Variants in CCDC85C observed in about 807,000 individuals in gnomAD.
CCDC85C encodes coiled-coil domain containing 85C.
A neutral mutation model predicts 38.3 loss-of-function variants in CCDC85C; 18 were observed. The ratio of observed to expected loss-of-function variants is 0.47; its 90% CI spans 0.33 to 0.70. The LOEUF is 0.70. Ranked by LOEUF, CCDC85C falls within the 30% of genes least tolerant of loss-of-function variation. The pLI, the probability that CCDC85C is intolerant of heterozygous loss-of-function variation, is 0.03. For synonymous variants in CCDC85C, 264 were observed against 293.8 expected, an observed-to-expected ratio of 0.90 and a Z score of 1.04; for missense variants, 566 against 621.2, an observed-to-expected ratio of 0.91 and a Z score of 0.94.
intron 2 of CCDC85C, among the ~76,000 whole-genome samples, chr14:99,527,900 AC>A (rs1897417841): frequency 6.6e-6 from 1 of 152,104 alleles, no homozygotes; most frequent in East Asian, 1.9e-4. Context: ...AGGCGGGAGG[AC>A]CCCGGGCACC....
At chr14:99,555,874 C>T (rs929855199) in intron 1 of CCDC85C, among the ~76,000 whole-genome samples, 2 of 152,220 alleles carry the variant, frequency 1.3e-5, no homozygotes, top group Non-Finnish European at 2.9e-5. Flanking sequence ...CAAGTTCACA[C>T]CCCAAGATGC....
chr14:99,599,802 G>C (rs910707289), intron 1 of CCDC85C, among the ~76,000 whole-genome samples: 3 of 152,214 alleles, frequency 2.0e-5, no homozygotes, highest in African/African-American at 7.2e-5. Context: ...TTGAGCCCAG[G>C]AGGTTGAGGT....
chr14:99,534,119 C>G (rs10136578), intron 2 of CCDC85C, among the ~76,000 whole-genome samples: 15,195 of 151,986 alleles, frequency 0.1, 2,261 homozygotes, highest in African/African-American at 0.32. Context: ...ACTTTGGGAG[C>G]CTGATGTGAG....
chr14:99,602,894 C>T lies in CCDC85C; in HGVS notation c.793+273G>A, dbSNP rs573790553. ...CAGCAGTGACAGACCCTAATTTTGG[C>T]AACTACACCCGCTAGAAACTTTTCT... On this transcript the variant is annotated intron_variant, in intron 1 of 5. Transcript: ENST00000380243. Among the ~76,000 whole-genome samples, 17 of 152,324 alleles carry T rather than the reference C, an allele frequency of 1.1e-4. 1 individual carries two copies. The highest frequency in any genetic ancestry group is 1.9e-4 in the Non-Finnish European group (13 of 68,016).
At chr14:99,540,003 C>A (rs1187731497) in intron 1 of CCDC85C, among the ~76,000 whole-genome samples, 1 of 152,148 alleles carries the variant, frequency 6.6e-6, no homozygotes, top group Non-Finnish European at 1.5e-5. Context: ...TAAAAATTAT[C>A]TGGGAGTGGT....
chr14:99,594,140 CG>C (rs2055118929), intron 1 of CCDC85C, among the ~76,000 whole-genome samples: 1 of 152,012 alleles, frequency 6.6e-6, no homozygotes, highest in Admixed American at 6.5e-5. Context: ...TCAGTCCTTC[CG>C]GGACTGTTCA....
intron 4 of CCDC85C, 85 bp downstream of exon 4, chr14:99,517,003 G>T: frequency 7.8e-7 from 1 of 1,282,214 alleles, no homozygotes; most frequent in Non-Finnish European, 1.1e-6. Context: ...CCTGCCACTT[G>T]GATACCCCTA....
At chr14:99,524,990 A>C (rs966838375) in intron 2 of CCDC85C, among the ~76,000 whole-genome samples, 2 of 152,210 alleles carry the variant, frequency 1.3e-5, no homozygotes, top group African/African-American at 4.8e-5. Flanking sequence ...CAGCCCTGCC[A>C]AACACTCAGC....
In CCDC85C at chr14:99,506,715, T is replaced by G; in HGVS notation, c.*8531A>C. The stretch of plus-strand genomic sequence containing the variant: ...GATGTTGCTACTCTGGACCCTTCTT[T>G]GTGTCCTCTGTACCAGGGAGGACTC... On this transcript the variant is annotated 3_prime_UTR_variant, in exon 6 of 6. Coordinates refer to ENST00000380243, the MANE Select transcript of CCDC85C (RefSeq NM_001144995.2). 1 of 260,086 alleles carries G rather than the reference T, an allele frequency of 3.8e-6. No homozygotes were observed. Among genetic ancestry groups the G allele is most frequent in the South Asian group, 4.5e-5 (1 of 22,338 alleles). The allele number at this position is 260,086 out of a possible 1,614,324, so 16.1% of individuals were successfully genotyped here. A position where few individuals can be genotyped will look rare whatever the true frequency, so the allele number is the denominator to read the frequency against.
intron 3 of CCDC85C, among the ~76,000 whole-genome samples, chr14:99,517,605 G>A (rs1897246996): frequency 6.6e-6 from 1 of 152,166 alleles, no homozygotes; most frequent in African/African-American, 2.4e-5. Context: ...CCCTTCCCCT[G>A]CCCACCCTGG....
intron 1 of CCDC85C, among the ~76,000 whole-genome samples, chr14:99,553,734 T>C (rs1309237129): frequency 1.3e-5 from 2 of 152,174 alleles, no homozygotes; most frequent in African/African-American, 4.8e-5. Context: ...AATGACTGCA[T>C]GCCGAGCCCC....
rs963487675 is a variant in CCDC85C at position 99,545,821 on chromosome 14, T to G, written c.794-9733A>C. Among the ~76,000 whole-genome samples the G allele has an allele frequency of 6.6e-6, 1 of 152,120 alleles. No homozygotes were observed. On this transcript the variant is annotated intron_variant, in intron 1 of 5. Coordinates refer to ENST00000380243, the MANE Select transcript of CCDC85C (RefSeq NM_001144995.2). This position sits in a 1 kb window ranked among gnomAD's most constrained non-coding sequence, Gnocchi z 4.7. The stretch of plus-strand genomic sequence containing the variant: ...TCTGATCTCTTCCCCTGAGACTAAC[T>G]GGACACTCTAGGGGAGGGACCTGGG...
chr14:99,534,588 C>G, intron 2 of CCDC85C: 1 of 701,800 alleles, frequency 1.4e-6, no homozygotes, highest in Non-Finnish European at 2.6e-6. Flanking sequence ...GCCTCTCCTA[C>G]ACACTGCATG....
rs569777446 is a variant in CCDC85C, at chr14:99,516,094, T to C, written c.1170+94A>G. The C allele has an allele frequency of 3.1e-6, 3 of 973,814 alleles. No individual in the cohort carries two copies. The African/African-American group carries it at 4.8e-5, about 16-fold the overall frequency. 60.3% of individuals were successfully genotyped at this position (973,814 alleles called of 1,614,324 possible). On this transcript the variant is annotated intron_variant, in intron 5 of 5. Coordinates refer to ENST00000380243, the MANE Select transcript of CCDC85C (RefSeq NM_001144995.2). The surrounding 1 kb of genome is among the most constrained non-coding windows in gnomAD (Gnocchi z 5.5). Reference sequence around the variant, plus strand: ...CAGCCTTCGCTGAGCATTCGAGAAATGGAGTCCCACATGGGGAAGGGTATG... The same window carrying C: ...CAGCCTTCGCTGAGCATTCGAGAAACGGAGTCCCACATGGGGAAGGGTATG...
rs184884463 is a variant in CCDC85C, at chr14:99,545,691, G to A, written c.794-9603C>T. 7.9e-5 allele frequency among the ~76,000 whole-genome samples: 12 copies of A among 152,170 alleles called. No individual in the cohort carries two copies. The highest frequency in any genetic ancestry group is 3.9e-4 in the East Asian group (2 of 5,140). ...TGTGCAGACATCAGCTAGTCCCGCC[G>A]GGGAGAGACATCTCACCACACAGCG... is the stretch of plus-strand genomic sequence containing the variant. On this transcript the variant is annotated intron_variant, in intron 1 of 5. Coordinates refer to ENST00000380243, the MANE Select transcript of CCDC85C (RefSeq NM_001144995.2). This position sits in a 1 kb window ranked among gnomAD's most constrained non-coding sequence, Gnocchi z 4.7.
At chr14:99,601,571 A>G (rs755808530) in intron 1 of CCDC85C, among the ~76,000 whole-genome samples, 2 of 152,198 alleles carry the variant, frequency 1.3e-5, no homozygotes. Context: ...GACTGCAGCA[A>G]TCTGCTCTTT....
intron 1 of CCDC85C, among the ~76,000 whole-genome samples, chr14:99,567,979 A>T (rs1898251450): frequency 6.6e-6 from 1 of 152,170 alleles, no homozygotes; most frequent in African/African-American, 2.4e-5. Flanking sequence ...CAAATACACA[A>T]GACTGCCCCC....
In CCDC85C at chr14:99,533,347, C is replaced by T. The variant is rs1206330201; in HGVS notation, c.867+2668G>A. On this transcript the variant is annotated intron_variant, in intron 2 of 5. Coordinates refer to ENST00000380243, the MANE Select transcript of CCDC85C (RefSeq NM_001144995.2). This position sits in a 1 kb window ranked among gnomAD's most constrained non-coding sequence, Gnocchi z 4.2. ...ATGGGCCCTGGGTGCCCTCCTGCCA[C>T]ACCACACAGAGATACAAGCTCCTTC... Among the ~76,000 whole-genome samples, 2 of 152,244 alleles carry T rather than the reference C, an allele frequency of 1.3e-5. No homozygotes were observed. The highest frequency in any genetic ancestry group is 6.5e-5 in the Admixed American group (1 of 15,290).
chr14:99,535,972 T>C lies in CCDC85C; in HGVS notation c.867+43A>G. 2 of 1,470,534 alleles carry C rather than the reference T, an allele frequency of 1.4e-6. No individual in the cohort carries two copies. Among genetic ancestry groups the C allele is most frequent in the Admixed American group, 2.0e-5 (1 of 50,872 alleles). The allele number at this position is 1,470,534 out of a possible 1,614,324, so 91.1% of individuals were successfully genotyped here. On this transcript the variant is annotated intron_variant, in intron 2 of 5. Transcript: ENST00000380243. The surrounding 1 kb of genome is among the most constrained non-coding windows in gnomAD (Gnocchi z 5.5). ...CTGGGTGAGCTGGAGGGGTGGGTGCTGGGTCGCGGTCCTCAAGGCAGCGCC... is the reference window on the plus strand; with the variant it reads ...CTGGGTGAGCTGGAGGGGTGGGTGCCGGGTCGCGGTCCTCAAGGCAGCGCC...
Sources: gnomAD v4.1 joint callset for allele counts (sites outside exome capture counted in the v4.1 genomes callset) on GRCh38, gnomAD v4.1.1 for gene constraint, Gnocchi (gnomAD v3.1) non-coding constraint, MANE v1.5 for transcripts, NCBI Gene and HGNC (gene_info 2026-07-23, HGNC 2026-07-21) for gene names.